SYNDIG1: variants seen among roughly 807,000 people sequenced by gnomAD.
SYNDIG1 encodes synapse differentiation-inducing gene protein 1.
A neutral mutation model predicts 19.4 loss-of-function variants in SYNDIG1; 9 were observed. The ratio of observed to expected loss-of-function variants is 0.46; its 90% confidence interval spans 0.28 to 0.81. The LOEUF (loss-of-function observed/expected upper bound fraction) is 0.81, where lower values mean the gene tolerates loss of function less well. Among genes scored for constraint, SYNDIG1 ranks in the 30% least tolerant of loss-of-function variants. The pLI is 0.12. For synonymous variants in SYNDIG1, 141 were observed against 145.9 expected (o/e 0.97, Z 0.24); for missense variants, 311 against 343.3 (o/e 0.91, Z 0.74).
At chr20:24,542,987 C>T in intron 1 of SYNDIG1, 33 bp from the exon 2 acceptor site, 1 of 1,494,668 alleles carries the variant, frequency 6.7e-7, no homozygotes, top group Non-Finnish European at 9.0e-7. Context: ...AAGTGTGATT[C>T]TCTTGTCTCA....
At position 24,637,568 on chromosome 20, in the gene SYNDIG1, G is replaced by T. The variant is rs183813099; in HGVS notation, c.619-27778G>T. 2.2e-3 allele frequency among the ~76,000 whole-genome samples: 336 copies of T among 152,288 alleles called. 1 individual carries two copies. Among genetic ancestry groups the T allele is most frequent in the African/African-American group, 7.0e-3 (293 of 41,568 alleles). Reference sequence around the variant, plus strand: ...CTCTCCAGACTTCTGCCACAGAGAAGACCCTTCTAAAATGCTGATATTCCT... The same window carrying T: ...CTCTCCAGACTTCTGCCACAGAGAATACCCTTCTAAAATGCTGATATTCCT... On this transcript the variant is annotated intron_variant, in intron 3 of 3. Coordinates refer to ENST00000376862, the MANE Select transcript of SYNDIG1 (RefSeq NM_024893.3).
intron 2 of SYNDIG1, among the ~76,000 whole-genome samples, chr20:24,555,253 C>G (rs1421638951): frequency 6.6e-6 from 1 of 152,186 alleles, no homozygotes; most frequent in Non-Finnish European, 1.5e-5. Flanking sequence ...TTCAAAAAAA[C>G]CAGCTCTGGA....
intron 3 of SYNDIG1, among the ~76,000 whole-genome samples, chr20:24,607,360 CAAAAAAAAA>C (rs59085965): frequency 4.7e-5 from 5 of 107,476 alleles, no homozygotes; most frequent in African/African-American, 3.5e-5. Context: ...GACTCCGTCT[CAAAAAAAAA>C]AAAAAAAAAG....
chr20:24,531,306 A>G (rs1244603113), intron 1 of SYNDIG1, among the ~76,000 whole-genome samples: 3 of 152,208 alleles, frequency 2.0e-5, no homozygotes, highest in African/African-American at 7.2e-5. Flanking sequence ...CTTCCACTCT[A>G]TACAGTAACA....
At chr20:24,529,996 C>CTGA (rs369561732) in intron 1 of SYNDIG1, among the ~76,000 whole-genome samples, 161 of 878 alleles carry the variant, frequency 0.18, no homozygotes, top group African/African-American at 0.24. Flanking sequence ...GTGATGGTGT[C>CTGA]AGTGGTGGGG....
At chr20:24,532,070 TCACCC>T (rs1366620251) in intron 1 of SYNDIG1, among the ~76,000 whole-genome samples, 3 of 152,208 alleles carry the variant, frequency 2.0e-5, no homozygotes, top group African/African-American at 7.2e-5. Context: ...TGCCATTCCC[TCACCC>T]CAGAGGTACT....
chr20:24,654,411 A>G (rs2147378079), intron 3 of SYNDIG1, among the ~76,000 whole-genome samples: 1 of 152,332 alleles, frequency 6.6e-6, no homozygotes. Flanking sequence ...GAAATCAAAA[A>G]GGAAAGTTGT....
At chr20:24,656,097 G>T (rs2059522895) in intron 3 of SYNDIG1, among the ~76,000 whole-genome samples, 1 of 152,188 alleles carries the variant, frequency 6.6e-6, no homozygotes, top group Non-Finnish European at 1.5e-5. Context: ...GGCACAGGAA[G>T]GCCTTGGGGG....
At position 24,626,570 on chromosome 20, in the gene SYNDIG1, G is replaced by C. The variant is rs1183111283; in HGVS notation, c.619-38776G>C. Reference sequence around the variant, plus strand: ...TCCTAGGTGGGATGGCGGCCGGGCAGAGACGCTCCTCACTTTCCAGACTGG... The same window carrying C: ...TCCTAGGTGGGATGGCGGCCGGGCACAGACGCTCCTCACTTTCCAGACTGG... On this transcript the variant is annotated intron_variant, in intron 3 of 3. Coordinates refer to ENST00000376862, the MANE Select transcript of SYNDIG1 (RefSeq NM_024893.3). Among the ~76,000 whole-genome samples the C allele has an allele frequency of 2.0e-5, 3 of 151,960 alleles. No homozygotes were observed. The East Asian group carries it at 5.9e-4, about 30-fold the overall frequency.
intron 2 of SYNDIG1, among the ~76,000 whole-genome samples, chr20:24,578,188 A>G (rs543789589): frequency 2.2e-3 from 339 of 152,332 alleles, no homozygotes; most frequent in Middle Eastern, 0.014. Context: ...CACGCCTGTA[A>G]TGCCAGCACT....
intron 2 of SYNDIG1, among the ~76,000 whole-genome samples, chr20:24,578,551 G>T (rs1393290015): frequency 6.6e-6 from 1 of 152,232 alleles, no homozygotes; most frequent in African/African-American, 2.4e-5. Context: ...GCAGGCTGGG[G>T]TTAGAGGGGC....
chr20:24,648,363 G>A (rs2059440315), intron 3 of SYNDIG1, among the ~76,000 whole-genome samples: 1 of 152,156 alleles, frequency 6.6e-6, no homozygotes, highest in Non-Finnish European at 1.5e-5. Flanking sequence ...AGGATCTGAG[G>A]ACATACAAAG....
At chr20:24,475,664 T>C (rs1399044979) in intron 1 of SYNDIG1, among the ~76,000 whole-genome samples, 2 of 152,220 alleles carry the variant, frequency 1.3e-5, no homozygotes, top group African/African-American at 4.8e-5. Context: ...AAACCCTGTA[T>C]TTGTGAGGAC....
intron 3 of SYNDIG1, among the ~76,000 whole-genome samples, chr20:24,594,409 G>A (rs2058563204): frequency 6.6e-6 from 1 of 152,160 alleles, no homozygotes. Context: ...CTAATACCAT[G>A]CTGTTTTGGT....
At chr20:24,654,069 A>G (rs1437242658) in intron 3 of SYNDIG1, among the ~76,000 whole-genome samples, 1 of 152,214 alleles carries the variant, frequency 6.6e-6, no homozygotes, top group Non-Finnish European at 1.5e-5. Context: ...CCAATGTACA[A>G]TGTATGCTGT....
rs945946291 is a variant in SYNDIG1, at chr20:24,551,373, ATTTC to A, written c.480+7803_480+7806del. Among the ~76,000 whole-genome samples the A allele has an allele frequency of 3.0e-3, 449 of 151,902 alleles. 1 individual carries two copies. Among genetic ancestry groups the A allele is most frequent in the African/African-American group, 0.01 (432 of 41,420 alleles). On this transcript the variant is annotated intron_variant, in intron 2 of 3. Transcript: ENST00000376862. ...TCATTTTAGTAATTTAAGTTTCTCT[ATTTC>A]TTTCTTGGTCAGTCTAGATAGAAAT... is the stretch of plus-strand genomic sequence containing the variant.
At chr20:24,516,505 A>C (rs1194704739) in intron 1 of SYNDIG1, among the ~76,000 whole-genome samples, 1 of 152,252 alleles carries the variant, frequency 6.6e-6, no homozygotes, top group Non-Finnish European at 1.5e-5. Flanking sequence ...CAAGTGGGTG[A>C]AGGATATGAA....
chr20:24,576,172 A>C (rs192768845), intron 2 of SYNDIG1, among the ~76,000 whole-genome samples: 170 of 152,340 alleles, frequency 1.1e-3, no homozygotes, highest in African/African-American at 4.1e-3. Flanking sequence ...TTTCAGGGGC[A>C]CAAAGGTACA....
chr20:24,627,013 C>A (rs1393898761), intron 3 of SYNDIG1, among the ~76,000 whole-genome samples: 2 of 151,432 alleles, frequency 1.3e-5, no homozygotes, highest in East Asian at 1.9e-4. Context: ...TGCAGTGAGC[C>A]GAGATGGCAG....
Sources: gnomAD v4.1 joint callset for allele counts (sites outside exome capture counted in the v4.1 genomes callset) on GRCh38, gnomAD v4.1.1 for gene constraint, MANE v1.5 for transcripts, NCBI Gene and HGNC (gene_info 2026-07-23, HGNC 2026-07-21) for gene names.